Variants in HMMR observed in about 807,000 individuals in gnomAD.
The protein encoded by HMMR is hyaluronan mediated motility receptor.
In HMMR, 108 loss-of-function variants were observed where a neutral mutation model predicts 101.0. The observed-to-expected ratio is 1.07, with a 90% CI of 0.92 to 1.25. The LOEUF (loss-of-function observed/expected upper bound fraction) is 1.25. Among genes scored for constraint, HMMR ranks in the 50% most tolerant of loss-of-function variants. HMMR has a pLI of 0.00. For synonymous variants in HMMR, 296 were observed against 276.4 expected (o/e 1.07, Z -0.70); for missense variants, 813 against 788.7 (o/e 1.03, Z -0.37).
Position 163,463,963 on chromosome 5 carries a change from G to A in HMMR, c.145+9G>A, listed in dbSNP as rs1758621179. 2.2e-6 allele frequency: 2 copies of A among 927,360 alleles called. No individual in the cohort carries two copies. Among genetic ancestry groups the A allele is most frequent in the Admixed American group, 5.8e-5 (2 of 34,204 alleles). The allele number at this position is 927,360 out of a possible 1,614,324, so 57.4% of individuals were successfully genotyped here. ...ATTTAAACAACAAAAAGGTAATATA[G>A]ATCACCAAAGAACAATGGTTATGTG... On this transcript the variant is annotated intron_variant, in intron 2 of 17. Coordinates refer to ENST00000393915, the MANE Select transcript of HMMR (RefSeq NM_001142556.2).
At chr5:163,470,979 G>A (rs575003498) in intron 5 of HMMR, among the ~76,000 whole-genome samples, 113 of 152,264 alleles carry the variant, frequency 7.4e-4, no homozygotes, top group African/African-American at 2.6e-3. Flanking sequence ...GGACAGCGGA[G>A]CGAGACTTGA....
At chr5:163,476,693 G>A (rs1012821149) in intron 11 of HMMR, among the ~76,000 whole-genome samples, 1 of 152,066 alleles carries the variant, frequency 6.6e-6, no homozygotes, top group Non-Finnish European at 1.5e-5. Context: ...AATTATAACT[G>A]GGAAACATTC....
intron 7 of HMMR, 88 bp from the exon 8 acceptor site, chr5:163,473,088 CCTG>C (rs1270142706): frequency 4.6e-6 from 3 of 657,338 alleles, no homozygotes; most frequent in Non-Finnish European, 8.1e-6. Flanking sequence ...AGTCAGCCTG[CCTG>C]ATACAGGAGT....
At chr5:163,479,753 A>C (rs1181147144) in intron 12 of HMMR, among the ~76,000 whole-genome samples, 1 of 152,164 alleles carries the variant, frequency 6.6e-6, no homozygotes, top group Admixed American at 6.5e-5. Flanking sequence ...ACCACCAGTC[A>C]TTCCCTTCTT....
At chr5:163,469,149 G>T (rs561513278) in intron 4 of HMMR, among the ~76,000 whole-genome samples, 31 of 152,004 alleles carry the variant, frequency 2.0e-4, no homozygotes, top group African/African-American at 5.8e-4. Flanking sequence ...TGGATCACGA[G>T]GTCAGGAGAT....
At chr5:163,475,400 T>C in intron 10 of HMMR, 58 bp from the exon 11 acceptor site, 1 of 945,824 alleles carries the variant, frequency 1.1e-6, no homozygotes, top group Non-Finnish European at 1.6e-6. Flanking sequence ...TTTTGTCTCC[T>C]AGTACAACCT....
At chr5:163,463,511 C>G (rs3777011) in intron 1 of HMMR, among the ~76,000 whole-genome samples, 28,305 of 152,092 alleles carry the variant, frequency 0.19, 3,036 homozygotes, top group South Asian at 0.38. Flanking sequence ...TAGTAGTTAT[C>G]TTTGTGACTC....
chr5:163,461,567 G>C (rs1204797848), intron 1 of HMMR, among the ~76,000 whole-genome samples: 2 of 152,116 alleles, frequency 1.3e-5, no homozygotes, highest in Non-Finnish European at 2.9e-5. Context: ...GGCCGAGGCA[G>C]GTGGATCACG....
chr5:163,468,862 C>T (rs1758779344), intron 4 of HMMR, among the ~76,000 whole-genome samples: 1 of 151,920 alleles, frequency 6.6e-6, no homozygotes, highest in South Asian at 2.1e-4. Flanking sequence ...TTTCTGTTGA[C>T]AAATATTGGT....
At chr5:163,474,427 A>G (rs1759004167) in intron 10 of HMMR, 1 of 531,426 alleles carries the variant, frequency 1.9e-6, no homozygotes, top group South Asian at 1.8e-5. Context: ...CAACAGATAC[A>G]GCAAAATAGG....
chr5:163,484,148 T>C lies in HMMR; in HGVS notation c.1865T>C (p.Ile622Thr), dbSNP rs1262951795. The C allele has an allele frequency of 2.5e-6, 4 of 1,604,252 alleles. No individual in the cohort carries two copies. The highest frequency in any genetic ancestry group is 3.4e-6 in the Non-Finnish European group (4 of 1,173,068). ...GCAGCTCAGGAACAGCTAAATAAAATAAGAGATTCATATGCTAAATTATTG... is the reference window on the plus strand; with the variant it reads ...GCAGCTCAGGAACAGCTAAATAAAACAAGAGATTCATATGCTAAATTATTG... Reference protein sequence around the residue: ...HGAAQEQLNKIRDSYAKLLGH... With the variant: ...HGAAQEQLNKTRDSYAKLLGH... The change falls in exon 16 of 18, where the codon ATA becomes ACA. Residue 622 changes from isoleucine to threonine, a missense_variant. Coordinates refer to ENST00000393915, the MANE Select transcript of HMMR (RefSeq NM_001142556.2).
chr5:163,462,433 A>T (rs1758569763), intron 1 of HMMR, among the ~76,000 whole-genome samples: 1 of 151,982 alleles, frequency 6.6e-6, no homozygotes, highest in Non-Finnish European at 1.5e-5. Context: ...ATCTCTACAC[A>T]TACATACGAA....
rs142816157 is a variant in HMMR, at chr5:163,465,629, T to C, written c.225+827T>C. On this transcript the variant is annotated intron_variant, in intron 3 of 17. Transcript: ENST00000393915. The stretch of plus-strand genomic sequence containing the variant: ...TCCCAAAGTGCTGGGATTACAGGTG[T>C]TGTCCACCACACCCAGCCGCCATAT... 1.6e-3 allele frequency among the ~76,000 whole-genome samples: 246 copies of C among 152,278 alleles called. 3 individuals carry two copies. Among genetic ancestry groups the C allele is most frequent in the African/African-American group, 5.7e-3 (236 of 41,562 alleles).
At chr5:163,482,444 C>G (rs1174324639) in intron 12 of HMMR, among the ~76,000 whole-genome samples, 198 bp from the exon 13 acceptor site, 1 of 151,318 alleles carries the variant, frequency 6.6e-6, no homozygotes, top group Admixed American at 6.6e-5. Flanking sequence ...ATTTTTTTTT[C>G]TTTGAATACA....
chr5:163,471,246 G>A lies in HMMR; in HGVS notation c.524G>A (p.Arg175Lys). 6.2e-7 allele frequency: 1 copy of A among 1,613,434 alleles called. No individual in the cohort carries two copies. Among genetic ancestry groups the A allele is most frequent in the Non-Finnish European group, 8.5e-7 (1 of 1,179,382 alleles). ...CTAAGCTTGGAGTTGATGAAACTTA[G>A]AAACAAAAGAGAAACAAAGATGAGG... ...RILSLELMKL[R>K]NKRETKMRGM... The change falls in exon 6 of 18, where the codon AGA (arginine) becomes AAA (lysine). Residue 175 changes from arginine to lysine, a missense_variant. By Grantham distance (26) the Arg-to-Lys change is conservative (BLOSUM62 2). Coordinates refer to ENST00000393915, the MANE Select transcript of HMMR (RefSeq NM_001142556.2).
chr5:163,467,680 G>GT, intron 3 of HMMR, 21 bp from the exon 4 acceptor site: 2 of 1,434,498 alleles, frequency 1.4e-6, no homozygotes, highest in Admixed American at 1.8e-5. Context: ...TTGCTTATAA[G>GT]TTTTTTTGGC....
rs1286017183 is a variant in HMMR, at chr5:163,474,075, A to G, written c.923A>G (p.Asn308Ser). 1 of 1,611,038 alleles carries G rather than the reference A, an allele frequency of 6.2e-7. No individual in the cohort carries two copies. The highest frequency in any genetic ancestry group is 8.5e-7 in the Non-Finnish European group (1 of 1,178,264). ...TTTCTAGAAGACCATGTCAACAGGA[A>G]TAGAGAACACAACGAAAATCTAAAT... ...EKEKEDHVNR[N>S]REHNENLNAE... Residue 308 changes from asparagine to serine, a missense_variant, in exon 10 of 18, where the codon AAT becomes AGT. Transcript: ENST00000393915.
At chr5:163,474,274 C>A in intron 10 of HMMR, 69 bp downstream of exon 10, 1 of 1,182,586 alleles carries the variant, frequency 8.5e-7, no homozygotes, top group Admixed American at 2.1e-5. Context: ...CTCTGAACAC[C>A]TTTAAATTGT....
At chr5:163,466,488 A>G (rs1466990025) in intron 3 of HMMR, among the ~76,000 whole-genome samples, 1 of 152,222 alleles carries the variant, frequency 6.6e-6, no homozygotes, top group African/African-American at 2.4e-5. Flanking sequence ...TAAATTTTTA[A>G]TATTTAATTT....
Sources: gnomAD v4.1 joint callset for allele counts (sites outside exome capture counted in the v4.1 genomes callset) on GRCh38, gnomAD v4.1.1 for gene constraint, MANE v1.5 for transcripts, NCBI Gene and HGNC (gene_info 2026-07-23, HGNC 2026-07-21) for gene names.